Variants in SEMA6D observed in about 807,000 individuals in gnomAD.
SEMA6D encodes semaphorin 6D.
A neutral mutation model predicts 106.6 loss-of-function variants in SEMA6D; 35 were observed. The ratio of observed to expected loss-of-function variants is 0.33; its 90% CI spans 0.25 to 0.44. The LOEUF is 0.44. Ranked by LOEUF, SEMA6D falls within the 20% of genes least tolerant of loss-of-function variation. The probability of loss-of-function intolerance (pLI) is 1.00; values close to 1 mark genes in which losing one functional copy is unlikely to be tolerated. For synonymous variants in SEMA6D, 499 were observed against 487.7 expected (o/e 1.02, Z -0.31); for missense variants, 1,185 against 1,345.9 (o/e 0.88, Z 1.87).
chr15:47,756,825 C>G (rs2081768863), intron 1 of SEMA6D, among the ~76,000 whole-genome samples: 1 of 152,070 alleles, frequency 6.6e-6, no homozygotes, highest in South Asian at 2.1e-4. Context: ...CTTCCCTCCC[C>G]CACCCAGCTT....
intron 4 of SEMA6D, among the ~76,000 whole-genome samples, chr15:47,612,541 A>T: frequency 6.6e-6 from 1 of 152,200 alleles, no homozygotes; most frequent in East Asian, 1.9e-4. Context: ...TTTCATAGTT[A>T]TTACTTCTTT....
chr15:47,209,409 T>C (rs545152963), intron 1 of SEMA6D, among the ~76,000 whole-genome samples: 1 of 152,276 alleles, frequency 6.6e-6, no homozygotes, highest in South Asian at 2.1e-4. Context: ...GTTTTGCAAA[T>C]GCTAGAGGAG....
In SEMA6D at chr15:47,675,111, G is replaced by T. The variant is rs372198902; in HGVS notation, c.-55+74215G>T. On this transcript the variant is annotated intron_variant, in intron 4 of 19. Coordinates refer to the SEMA6D transcript ENST00000558014. ...AAAGCCACACAAAAATGTTTCTGAG[G>T]TTATTGGCTGTTTGGCATTATCAAC... is the stretch of plus-strand genomic sequence containing the variant. Among the ~76,000 whole-genome samples, 2 of 152,254 alleles carry T rather than the reference G, an allele frequency of 1.3e-5. 1 individual carries two copies. The highest frequency in any genetic ancestry group is 4.1e-4 in the South Asian group (2 of 4,820).
At chr15:47,596,637 G>A (rs2076541358) in intron 3 of SEMA6D, among the ~76,000 whole-genome samples, 1 of 151,860 alleles carries the variant, frequency 6.6e-6, no homozygotes, top group Admixed American at 6.6e-5. Flanking sequence ...ACACATCAAT[G>A]GTCTATTAAT....
intron 3 of SEMA6D, among the ~76,000 whole-genome samples, chr15:47,538,969 T>C (rs1394910880): frequency 1.3e-5 from 2 of 152,126 alleles, no homozygotes; most frequent in East Asian, 3.9e-4. Flanking sequence ...GCTCATGGGA[T>C]AAGATTAGGA....
intron 1 of SEMA6D, among the ~76,000 whole-genome samples, chr15:47,327,949 G>T (rs1374329157): frequency 6.6e-6 from 1 of 152,098 alleles, no homozygotes; most frequent in African/African-American, 2.4e-5. Flanking sequence ...TATTATGTTT[G>T]TTATCATTAT....
intron 1 of SEMA6D, among the ~76,000 whole-genome samples, chr15:47,344,449 C>A (rs994494107): frequency 2.6e-5 from 4 of 152,218 alleles, no homozygotes; most frequent in African/African-American, 7.2e-5. Context: ...TGGGGAAAAA[C>A]AAGGTAGGGC....
chr15:47,578,788 A>G (rs1400382710), intron 3 of SEMA6D, among the ~76,000 whole-genome samples: 2 of 152,160 alleles, frequency 1.3e-5, no homozygotes, highest in African/African-American at 2.4e-5. Context: ...GCCATTTGAT[A>G]TAACTAAATG....
chr15:47,186,922 G>A (rs1893612997), intron 1 of SEMA6D, among the ~76,000 whole-genome samples: 1 of 152,032 alleles, frequency 6.6e-6, no homozygotes, highest in Non-Finnish European at 1.5e-5. Context: ...AGTATTTAGT[G>A]TTGCCAAGAT....
chr15:47,648,113 A>G (rs1444874843), intron 4 of SEMA6D, among the ~76,000 whole-genome samples: 1 of 152,132 alleles, frequency 6.6e-6, no homozygotes, highest in Non-Finnish European at 1.5e-5. Flanking sequence ...GCCTGTTTTC[A>G]TATGTCAGTA....
At chr15:47,645,999 C>G (rs539486785) in intron 4 of SEMA6D, among the ~76,000 whole-genome samples, 1 of 152,196 alleles carries the variant, frequency 6.6e-6, no homozygotes, top group African/African-American at 2.4e-5. Flanking sequence ...TCTGCATGCT[C>G]AGCTATCCAG....
intron 3 of SEMA6D, among the ~76,000 whole-genome samples, chr15:47,472,585 T>A (rs1290612083): frequency 1.3e-5 from 2 of 152,214 alleles, no homozygotes; most frequent in Non-Finnish European, 2.9e-5. Context: ...TCTCTTATAA[T>A]CTATGTGGCA....
chr15:47,253,817 A>T (rs887739212), intron 1 of SEMA6D, among the ~76,000 whole-genome samples: 1 of 152,050 alleles, frequency 6.6e-6, no homozygotes, highest in African/African-American at 2.4e-5. Flanking sequence ...TTTGTTCAAG[A>T]TTGCTTTGGC....
At chr15:47,744,351 A>C (rs1407012481) in intron 1 of SEMA6D, among the ~76,000 whole-genome samples, 4 of 152,324 alleles carry the variant, frequency 2.6e-5, no homozygotes, top group Non-Finnish European at 5.9e-5. Context: ...TTTATTAAAT[A>C]TCAGCTGCAA....
intron 4 of SEMA6D, among the ~76,000 whole-genome samples, chr15:47,657,773 G>C (rs1439151146): frequency 1.2e-5 from 1 of 83,572 alleles, no homozygotes; most frequent in Admixed American, 1.8e-4. Flanking sequence ...ACAGAGTCTT[G>C]CTCTGTCACC....
At chr15:47,481,972 A>G (rs2043165244) in intron 3 of SEMA6D, among the ~76,000 whole-genome samples, 1 of 152,154 alleles carries the variant, frequency 6.6e-6, no homozygotes, top group South Asian at 2.1e-4. Flanking sequence ...CAGGAAAAGG[A>G]TAGCTATTTC....
intron 14 of SEMA6D, 48 bp downstream of exon 14, chr15:47,766,057 C>G: frequency 6.2e-7 from 1 of 1,612,546 alleles, no homozygotes; most frequent in Non-Finnish European, 8.5e-7. Flanking sequence ...GTATCGAAAC[C>G]TTTGTTGATG....
rs147109432 is a variant in SEMA6D at position 47,669,016 on chromosome 15, T to A, written c.-55+68120T>A. Reference sequence around the variant, plus strand: ...TATTATAATGAACACCCATATAGATTCACTAATGGTTATCTTGCTATGTTT... The same window carrying A: ...TATTATAATGAACACCCATATAGATACACTAATGGTTATCTTGCTATGTTT... On this transcript the variant is annotated intron_variant, in intron 4 of 19. Coordinates refer to the SEMA6D transcript ENST00000558014. Among the ~76,000 whole-genome samples the A allele has an allele frequency of 2.7e-3, 411 of 152,308 alleles. 2 individuals carry two copies. Among genetic ancestry groups the A allele is most frequent in the African/African-American group, 9.4e-3 (391 of 41,576 alleles).
intron 3 of SEMA6D, among the ~76,000 whole-genome samples, chr15:47,479,816 A>G (rs762229813): frequency 3.3e-5 from 5 of 151,770 alleles, no homozygotes; most frequent in Admixed American, 6.6e-5. Context: ...TTGCAATTTC[A>G]TTAATTCCAT....
Sources: gnomAD v4.1 joint callset for allele counts (sites outside exome capture counted in the v4.1 genomes callset) on GRCh38, gnomAD v4.1.1 for gene constraint, MANE v1.5 for transcripts, NCBI Gene and HGNC (gene_info 2026-07-23, HGNC 2026-07-21) for gene names.